Variants in PCDHA11 observed in about 807,000 individuals in gnomAD.
PCDHA11 encodes the protein protocadherin alpha-11.
In PCDHA11, 61 loss-of-function variants were observed where a neutral mutation model predicts 70.3. The observed-to-expected ratio is 0.87, with a 90% CI of 0.71 to 1.07. The LOEUF (loss-of-function observed/expected upper bound fraction) is 1.07. Ranked by LOEUF, PCDHA11 falls within the 50% of genes least tolerant of loss-of-function variation. The pLI is 0.00. For synonymous variants in PCDHA11, 633 were observed against 555.1 expected (o/e 1.14, Z -1.97); for missense variants, 1,324 against 1,237.5 (o/e 1.07, Z -1.05).
At chr5:140,895,677 G>T (rs1554186594) in intron 1 of PCDHA11, among the ~76,000 whole-genome samples, 2 of 151,984 alleles carry the variant, frequency 1.3e-5, no homozygotes, top group African/African-American at 4.8e-5. Flanking sequence ...GTAGTATTTG[G>T]TTTTCTGTTT....
At position 140,869,497 on chromosome 5, in the gene PCDHA11, G is replaced by T. The variant is rs2051177889; in HGVS notation, c.394G>T (p.Val132Leu). The change falls in exon 1 of 4, where the codon GTG (valine) becomes TTG (leucine). Residue 132 changes from valine (V) to leucine (L), a missense_variant. Physicochemically the swap from Val to Leu is conservative, Grantham distance 32. Coordinates refer to ENST00000398640, the MANE Select transcript of PCDHA11 (RefSeq NM_018902.5). ...EVKDINDNPP[V>L]FSLREQKLLI... ...GAAGGACATTAACGACAACCCGCCG[G>T]TGTTCTCGCTCAGAGAACAAAAGCT... The T allele has an allele frequency of 1.2e-6, 2 of 1,614,084 alleles. No homozygotes were observed.
rs782602807 is a variant in PCDHA11 at position 140,871,241 on chromosome 5, C to T, written c.2138C>T (p.Thr713Met). Residue 713 changes from threonine to methionine, a missense_variant, in exon 1 of 4, where the codon ACG (threonine) becomes ATG (methionine). By Grantham distance (81) the Thr-to-Met change is moderately conservative. Transcript: ENST00000398640. Reference sequence around the variant, plus strand: ...GTGGTGTCCAGCCTCCTGGTACTCACGCTGCTGCTGTATACGGCGCTGTGG... The same window carrying T: ...GTGGTGTCCAGCCTCCTGGTACTCATGCTGCTGCTGTATACGGCGCTGTGG... ...ICVVSSLLVL[T>M]LLLYTALWWS... 2.5e-6 allele frequency: 4 copies of T among 1,613,972 alleles called. No individual in the cohort carries two copies. The highest frequency in any genetic ancestry group is 1.7e-5 in the Admixed American group (1 of 60,034).
intron 1 of PCDHA11, 99 bp from the exon 2 acceptor site, chr5:140,978,850 G>T: frequency 6.3e-7 from 1 of 1,577,084 alleles, no homozygotes; most frequent in Non-Finnish European, 8.6e-7. Flanking sequence ...TTTTTTAGAT[G>T]CCTGGAAATA....
At chr5:140,929,207 G>C (rs782298445) in intron 1 of PCDHA11, 2 of 1,613,988 alleles carry the variant, frequency 1.2e-6, no homozygotes, top group Admixed American at 1.7e-5. Context: ...TTGCTGTTGC[G>C]TGGGGAGTAC....
chr5:140,907,272 C>T (rs1164055585), intron 1 of PCDHA11, among the ~76,000 whole-genome samples: 1 of 152,224 alleles, frequency 6.6e-6, no homozygotes, highest in Non-Finnish European at 1.5e-5. Flanking sequence ...GCCATTCCAT[C>T]ATTCTATCAA....
chr5:140,955,813 G>A (rs1428196745), intron 1 of PCDHA11, among the ~76,000 whole-genome samples: 1 of 152,096 alleles, frequency 6.6e-6, no homozygotes, highest in Non-Finnish European at 1.5e-5. Context: ...TGTGTCCACT[G>A]TGATTTCCTT....
At chr5:140,933,773 A>G (rs2089413998) in intron 1 of PCDHA11, among the ~76,000 whole-genome samples, 1 of 152,040 alleles carries the variant, frequency 6.6e-6, no homozygotes, top group South Asian at 2.1e-4. Context: ...CTGTACCTAC[A>G]GTTTTCTTTG....
At chr5:140,996,386 C>G (rs574909973) in intron 3 of PCDHA11, among the ~76,000 whole-genome samples, 1 of 152,268 alleles carries the variant, frequency 6.6e-6, no homozygotes, top group South Asian at 2.1e-4. Flanking sequence ...GAAATAATGC[C>G]TCATAGAGTT....
chr5:140,973,653 A>G (rs2096597249), intron 1 of PCDHA11, among the ~76,000 whole-genome samples: 1 of 152,202 alleles, frequency 6.6e-6, no homozygotes, highest in African/African-American at 2.4e-5. Context: ...TGAAGAAGAA[A>G]TCTATTTATT....
chr5:140,877,156 G>A (rs1471783281), intron 1 of PCDHA11: 1 of 1,613,692 alleles, frequency 6.2e-7, no homozygotes, highest in Admixed American at 1.7e-5. Context: ...GAACGACAAC[G>A]CGCCGGCACT....
At chr5:140,913,243 G>T (rs1386908951) in intron 1 of PCDHA11, among the ~76,000 whole-genome samples, 1 of 152,112 alleles carries the variant, frequency 6.6e-6, no homozygotes, top group Non-Finnish European at 1.5e-5. Flanking sequence ...GAGACTTTTT[G>T]TTACAACTTT....
In PCDHA11 at chr5:140,875,437, C is replaced by CTGAT. The variant is rs782126939; in HGVS notation, c.2391+3946_2391+3949dup. The stretch of plus-strand genomic sequence containing the variant: ...ACCTCAGGCAAGCGATCCCTTAAAA[C>CTGAT]TGATTGTCCCAACTCAGAGGCCCTC... On this transcript the variant is annotated intron_variant, in intron 1 of 3. Transcript: ENST00000398640. 4 of 1,565,778 alleles carry CTGAT rather than the reference C, an allele frequency of 2.6e-6. No homozygotes were observed. In the South Asian group the frequency reaches 3.6e-5, roughly 14 times the overall value.
rs903321831 is a variant in PCDHA11, at chr5:140,926,671, C to A, written c.2392-52278C>A. ...CGGCTCCGCTTTCCCAGACGGCTGC[C>A]CAGCCTCCAGCCTAGCAAGCCCGGC... On this transcript the variant is annotated intron_variant, in intron 1 of 3. Coordinates refer to ENST00000398640, the MANE Select transcript of PCDHA11 (RefSeq NM_018902.5). The A allele has an allele frequency of 3.5e-5, 20 of 579,422 alleles. No homozygotes were observed. The South Asian group carries it at 7.5e-4, about 22-fold the overall frequency. 35.9% of individuals were successfully genotyped at this position (579,422 alleles called of 1,614,324 possible).
chr5:140,998,594 T>A (rs1396456161), intron 3 of PCDHA11, among the ~76,000 whole-genome samples: 4 of 152,076 alleles, frequency 2.6e-5, no homozygotes, highest in Non-Finnish European at 5.9e-5. Context: ...GACAGAGTTT[T>A]GCTCTTGTTG....
intron 1 of PCDHA11, among the ~76,000 whole-genome samples, chr5:140,893,560 T>C (rs964266537): frequency 4.6e-5 from 7 of 152,232 alleles, no homozygotes; most frequent in Admixed American, 4.6e-4. Flanking sequence ...AGTTGTAGTG[T>C]ACTTCCTCAG....
chr5:140,877,014 C>T, intron 1 of PCDHA11: 4 of 1,612,440 alleles, frequency 2.5e-6, no homozygotes, highest in Non-Finnish European at 2.5e-6. Flanking sequence ...ACGCGGAGAG[C>T]GGCAAGGTGT....
At chr5:141,009,285 T>C (rs1554262099) in intron 3 of PCDHA11, among the ~76,000 whole-genome samples, 1 of 152,106 alleles carries the variant, frequency 6.6e-6, no homozygotes, top group African/African-American at 2.4e-5. Context: ...TGAGATCCCA[T>C]TTCTATAAAA....
At position 140,927,036 on chromosome 5, in the gene PCDHA11, C is replaced by A. The variant is rs137875923; in HGVS notation, c.2392-51913C>A. On this transcript the variant is annotated intron_variant, in intron 1 of 3. Transcript: ENST00000398640. ...CCGCGGACTTGAGGCTGCCAGCGGC[C>A]GCTATGTCCTCGCGGAACTTTCGCT... 9.3e-6 allele frequency: 15 copies of A among 1,612,314 alleles called. No homozygotes were observed. In the East Asian group the frequency reaches 3.3e-4, roughly 36 times the overall value.
intron 3 of PCDHA11, among the ~76,000 whole-genome samples, chr5:140,993,767 G>T (rs115607244): frequency 1.3e-5 from 2 of 152,010 alleles, no homozygotes; most frequent in African/African-American, 4.8e-5. Flanking sequence ...TTACAATTGC[G>T]CAGTATTTTG....
Sources: allele counts gnomAD v4.1 joint callset (sites outside exome capture counted in the v4.1 genomes callset), GRCh38; gene constraint gnomAD v4.1.1; transcripts MANE v1.5; gene names NCBI Gene and HGNC (gene_info 2026-07-23, HGNC 2026-07-21).